Variants in MIER2 observed in about 807,000 individuals in gnomAD.
MIER2 encodes the protein MIER family member 2, also known as mesoderm induction early response protein 2.
Under a neutral mutation model 67.6 loss-of-function variants are expected in MIER2, and 30 were observed. The observed-to-expected ratio is 0.44, with a 90% CI of 0.33 to 0.60. The LOEUF (loss-of-function observed/expected upper bound fraction) is 0.60. Ranked by LOEUF, MIER2 falls within the 20% of genes least tolerant of loss-of-function variation. The probability of loss-of-function intolerance (pLI) is 0.02; values close to 1 mark genes in which losing one functional copy is unlikely to be tolerated. For missense variants in MIER2, 702 were observed against 745.1 expected (o/e 0.94, Z 0.67); for synonymous variants, 372 against 312.6 (o/e 1.19, Z -2.00).
At chr19:325,506 A>T in intron 7 of MIER2, 129 bp downstream of exon 7, 2 of 1,059,392 alleles carry the variant, frequency 1.9e-6, no homozygotes, top group Non-Finnish European at 1.4e-6. Flanking sequence ...TCCTCCAGCC[A>T]CAGGCTCAGC....
chr19:320,143 G>A (rs182847167), intron 7 of MIER2, among the ~76,000 whole-genome samples: 289 of 152,224 alleles, frequency 1.9e-3, no homozygotes, highest in African/African-American at 6.5e-3. Flanking sequence ...GGGGGGCTGA[G>A]GCGGACAGAT....
chr19:342,221 G>A (rs1053729403), intron 1 of MIER2, among the ~76,000 whole-genome samples: 1 of 152,188 alleles, frequency 6.6e-6, no homozygotes, highest in African/African-American at 2.4e-5. Context: ...GCTCAGCAAG[G>A]CAGTGGCGTG....
Position 306,315 on chromosome 19 carries a change from G to A in MIER2, c.*375C>T, listed in dbSNP as rs1289767873. 6 of 293,366 alleles carry A rather than the reference G, an allele frequency of 2.0e-5. No homozygotes were observed. The highest frequency in any genetic ancestry group is 7.0e-5 in the East Asian group (1 of 14,364). The allele number at this position is 293,366 out of a possible 1,614,324, so 18.2% of individuals were successfully genotyped here. On this transcript the variant is annotated 3_prime_UTR_variant, in exon 14 of 14. Coordinates refer to ENST00000264819, the MANE Select transcript of MIER2 (RefSeq NM_017550.3). ...GGCAGGGCGTCCTGCCCGTCTCCCC[G>A]CCGGGGCAGTGACGCCTTCCCTCGC...
intron 3 of MIER2, among the ~76,000 whole-genome samples, chr19:329,576 C>T (rs1971925846): frequency 6.6e-6 from 1 of 152,194 alleles, no homozygotes; most frequent in Non-Finnish European, 1.5e-5. Flanking sequence ...CAAAAGCAAA[C>T]ACCCCAGCTT....
intron 9 of MIER2, 32 bp downstream of exon 9, chr19:312,159 G>A (rs369259637): frequency 5.0e-5 from 77 of 1,542,852 alleles, no homozygotes; most frequent in Middle Eastern, 3.5e-4. Context: ...GGGCGGGGCC[G>A]CAGCGGAAGG....
chr19:335,305 G>A (rs1157995074), intron 2 of MIER2, among the ~76,000 whole-genome samples: 1 of 152,250 alleles, frequency 6.6e-6, no homozygotes, highest in Non-Finnish European at 1.5e-5. Context: ...GTAGGGCTGG[G>A]CACACAGGTG....
chr19:344,558 G>T, intron 1 of MIER2: 1 of 251,970 alleles, frequency 4.0e-6, no homozygotes, highest in Non-Finnish European at 5.6e-6. Flanking sequence ...CCGCGATGTG[G>T]CAGCCGGGGG....
chr19:315,648 C>G (rs936220990), intron 7 of MIER2, among the ~76,000 whole-genome samples: 2 of 152,152 alleles, frequency 1.3e-5, no homozygotes, highest in African/African-American at 4.8e-5. Flanking sequence ...AAAAGGAAAC[C>G]AATGTTTACA....
intron 3 of MIER2, among the ~76,000 whole-genome samples, chr19:328,803 G>A (rs773137336): frequency 6.6e-6 from 1 of 152,140 alleles, no homozygotes; most frequent in Non-Finnish European, 1.5e-5. Flanking sequence ...ATATAATGGA[G>A]AAGCTGTCAA....
Position 311,825 on chromosome 19 carries a change from C to G in MIER2, c.984+20G>C, listed in dbSNP as rs2289871. 13,858 of 1,613,016 alleles carry G rather than the reference C, an allele frequency of 8.6e-3. 875 individuals carry two copies. The East Asian group carries it at 0.17, about 20-fold the overall frequency. ...CCAGATCGAGAAGCCCCCGGTGGAG[C>G]CTGGCAGTGGAGTCCGCACCTTGTT... is the stretch of plus-strand genomic sequence containing the variant. On this transcript the variant is annotated intron_variant, in intron 10 of 13. Coordinates refer to ENST00000264819, the MANE Select transcript of MIER2 (RefSeq NM_017550.3).
chr19:321,138 G>A (rs1394167734), intron 7 of MIER2, among the ~76,000 whole-genome samples: 5 of 152,156 alleles, frequency 3.3e-5, no homozygotes, highest in Non-Finnish European at 5.9e-5. Context: ...CGCCTTCACT[G>A]ACACTCTACA....
At chr19:335,925 G>GC (rs1972231258) in intron 2 of MIER2, among the ~76,000 whole-genome samples, 158 bp downstream of exon 2, 1 of 152,136 alleles carries the variant, frequency 6.6e-6, no homozygotes, top group Admixed American at 6.5e-5. Flanking sequence ...TGACCACTCT[G>GC]CCCCACAGCT....
intron 3 of MIER2, among the ~76,000 whole-genome samples, chr19:331,360 G>GAA (rs917485905): frequency 2.5e-5 from 3 of 117,948 alleles, no homozygotes; most frequent in Non-Finnish European, 5.4e-5. Context: ...TCTGTCCCCA[G>GAA]AAAAAAAAAA....
At chr19:321,659 A>C (rs1027317637) in intron 7 of MIER2, among the ~76,000 whole-genome samples, 2 of 152,212 alleles carry the variant, frequency 1.3e-5, no homozygotes, top group East Asian at 3.9e-4. Flanking sequence ...AAAAAGATTA[A>C]AACTTGTCAG....
At position 319,107 on chromosome 19, in the gene MIER2, A is replaced by C. The variant is rs902223614; in HGVS notation, c.656-5464T>G. Among the ~76,000 whole-genome samples the C allele has an allele frequency of 4.4e-4, 66 of 151,708 alleles. 1 individual carries two copies. Among genetic ancestry groups the C allele is most frequent in the African/African-American group, 1.5e-3 (63 of 41,330 alleles). On this transcript the variant is annotated intron_variant, in intron 7 of 13. Coordinates refer to ENST00000264819, the MANE Select transcript of MIER2 (RefSeq NM_017550.3). Reference sequence around the variant, plus strand: ...GGCTGGGTGCTGGTTCATGCCTGTAATCCCAGCTCTTTGGGAGGCCAAGGT... The same window carrying C: ...GGCTGGGTGCTGGTTCATGCCTGTACTCCCAGCTCTTTGGGAGGCCAAGGT...
intron 1 of MIER2, among the ~76,000 whole-genome samples, chr19:338,512 T>C (rs958276964): frequency 1.3e-5 from 2 of 152,156 alleles, no homozygotes; most frequent in Non-Finnish European, 2.9e-5. Flanking sequence ...CCCCCACTGA[T>C]TGACAAATTC....
chr19:313,427 G>A, intron 8 of MIER2, 65 bp downstream of exon 8: 2 of 1,573,954 alleles, frequency 1.3e-6, no homozygotes, highest in Non-Finnish European at 1.7e-6. Flanking sequence ...AGGCACTGGG[G>A]TGTGAGCTCT....
Position 328,111 on chromosome 19 carries a change from TC to T in MIER2, c.244-123del, listed in dbSNP as rs879783978. ...GCCACTCTGTCACACCCATAGCAAC[TC>T]CCCACATGGCAGCACTCCCCAGCCA... On this transcript the variant is annotated intron_variant, in intron 3 of 13. Coordinates refer to ENST00000264819, the MANE Select transcript of MIER2 (RefSeq NM_017550.3). 1.8e-5 allele frequency: 24 copies of T among 1,353,210 alleles called. No individual in the cohort carries two copies. The African/African-American group carries it at 3.3e-4, about 19-fold the overall frequency. 83.8% of individuals were successfully genotyped at this position (1,353,210 alleles called of 1,614,324 possible). A position where few individuals can be genotyped will look rare whatever the true frequency, so the allele number is the denominator to read the frequency against.
chr19:307,526 G>A lies in MIER2; in HGVS notation c.1209C>T (p.Ser403=), dbSNP rs114649636. The A allele has an allele frequency of 7.8e-4, 1,174 of 1,506,976 alleles. 10 individuals are homozygous for A. In the African/African-American group the frequency reaches 0.014, roughly 17 times the overall value. 93.4% of individuals were successfully genotyped at this position (1,506,976 alleles called of 1,614,324 possible). The change falls in exon 13 of 14, where the codon AGC becomes AGT. Residue 403 remains serine (S), a synonymous_variant. Coordinates refer to ENST00000264819, the MANE Select transcript of MIER2 (RefSeq NM_017550.3). The stretch of plus-strand genomic sequence containing the variant: ...CGAGACCACCGGCCGTGCCATCCAC[G>A]CTCAGTGGATCTGTGAAAGAGAACG... ...TLTGMRTDPL[S]VDGTAGGLDE... is the part of the protein sequence containing the mutation.
Sources: allele counts gnomAD v4.1 joint callset (sites outside exome capture counted in the v4.1 genomes callset), GRCh38; gene constraint gnomAD v4.1.1; transcripts MANE v1.5; gene names NCBI Gene and HGNC (gene_info 2026-07-23, HGNC 2026-07-21).